Variants in SLC26A4 observed in about 807,000 individuals in gnomAD.
The protein encoded by SLC26A4 is pendrin.
A neutral mutation model predicts 90.4 loss-of-function variants in SLC26A4; 93 were observed. The observed-to-expected ratio is 1.03, with a 90% CI of 0.87 to 1.22. The LOEUF is 1.22. SLC26A4 is among the 50% of genes most tolerant of loss of function. SLC26A4 has a pLI of 0.00. For synonymous variants in SLC26A4, 393 were observed against 354.6 expected, an observed-to-expected ratio of 1.11 and a Z score of -1.22; for missense variants, 1,127 against 946.2, an observed-to-expected ratio of 1.19 and a Z score of -2.51.
chr7:107,712,618 A>C lies in SLC26A4; in HGVS notation c.2315A>C (p.Asp772Ala), dbSNP rs761442532. 8.0e-6 allele frequency: 12 copies of C among 1,501,280 alleles called. No individual in the cohort carries two copies. Among genetic ancestry groups the C allele is most frequent in the Non-Finnish European group, 1.0e-5 (11 of 1,077,380 alleles). The allele number at this position is 1,501,280 out of a possible 1,614,324, so 93.0% of individuals were successfully genotyped here. Residue 772 changes from aspartate to alanine, a missense_variant, in exon 20 of 21, where the codon GAT becomes GCT. Asp to Ala is a moderately radical substitution (Grantham distance 126, BLOSUM62 -2). Coordinates refer to ENST00000644269, the MANE Select transcript of SLC26A4 (RefSeq NM_000441.2). ...ELTEEELDVQ[D>A]EAMRTLAS Reference sequence around the variant, plus strand: ...ACGGAAGAAGAACTTGATGTCCAGGATGAGGTATGATCATTTTCTTCTGAA... The same window carrying C: ...ACGGAAGAAGAACTTGATGTCCAGGCTGAGGTATGATCATTTTCTTCTGAA...
chr7:107,684,697 C>T (rs1443251126), intron 8 of SLC26A4, among the ~76,000 whole-genome samples: 1 of 152,102 alleles, frequency 6.6e-6, no homozygotes, highest in African/African-American at 2.4e-5. Flanking sequence ...AGAGGTGGGG[C>T]TCAGGAATTA....
chr7:107,662,657 T>C (rs1481173375), intron 2 of SLC26A4, among the ~76,000 whole-genome samples: 1 of 152,174 alleles, frequency 6.6e-6, no homozygotes, highest in Non-Finnish European at 1.5e-5. Context: ...CACCTTAATA[T>C]CTAAAAATAA....
At position 107,683,505 on chromosome 7, in the gene SLC26A4, C is replaced by T. The variant is rs748164675; in HGVS notation, c.969C>T (p.Tyr323=). The T allele has an allele frequency of 1.2e-6, 2 of 1,613,864 alleles. No individual in the cohort carries two copies. Among genetic ancestry groups the T allele is most frequent in the South Asian group, 2.2e-5 (2 of 91,078 alleles). Residue 323 remains tyrosine, a synonymous_variant, in exon 8 of 21, where the codon TAC becomes TAT. Coordinates refer to ENST00000644269, the MANE Select transcript of SLC26A4 (RefSeq NM_000441.2). Reference sequence around the variant, plus strand: ...ATGGAGCCAACCTGGAAAAAAATTACAATGCTGGCATTGTTAAATCCATCC... The same window carrying T: ...ATGGAGCCAACCTGGAAAAAAATTATAATGCTGGCATTGTTAAATCCATCC... ...ISYGANLEKN[Y]NAGIVKSIPR...
In SLC26A4 at chr7:107,680,308, C is replaced by G. The variant is rs866426396; in HGVS notation, c.766-2894C>G. Among the ~76,000 whole-genome samples the G allele has an allele frequency of 1.1e-3, 102 of 92,848 alleles. 7 individuals carry two copies. Among genetic ancestry groups the G allele is most frequent in the African/African-American group, 6.0e-3 (78 of 12,908 alleles). The allele number at this position is 92,848 out of a possible 152,430, so 60.9% of individuals were successfully genotyped here. A position where few individuals can be genotyped will look rare whatever the true frequency, so the allele number is the denominator to read the frequency against. On this transcript the variant is annotated intron_variant, in intron 6 of 20. Transcript: ENST00000644269. ...ATCTTATCTTATTATATAATATAAT[C>G]TTATATTATTATATAATCTTATCTT...
At chr7:107,683,596 T>C (rs920301077) in intron 8 of SLC26A4, 59 bp downstream of exon 8, 24 of 1,358,292 alleles carry the variant, frequency 1.8e-5, no homozygotes, top group Non-Finnish European at 2.5e-5. Context: ...GTCTTTTTTA[T>C]TTAAATAAAA....
rs1305035552 is a variant in SLC26A4, at chr7:107,661,320, T to C, written c.-3-319T>C. 1.6e-5 allele frequency: 7 copies of C among 446,776 alleles called. No homozygotes were observed. The highest frequency in any genetic ancestry group is 2.4e-5 in the Non-Finnish European group (6 of 248,046). 27.7% of individuals were successfully genotyped at this position (446,776 alleles called of 1,614,324 possible). On this transcript the variant is annotated intron_variant, in intron 1 of 20. Transcript: ENST00000644269. This position sits in a 1 kb window ranked among gnomAD's most constrained non-coding sequence, Gnocchi z 5.1. ...TTCAGAACGCGGACAGCGCCCTGGC[T>C]GCGGGCCATAGGGGACTGGGTGGAA...
Position 107,661,555 on chromosome 7 carries a change from C to T in SLC26A4, c.-3-84C>T. On this transcript the variant is annotated intron_variant, in intron 1 of 20. Coordinates refer to ENST00000644269, the MANE Select transcript of SLC26A4 (RefSeq NM_000441.2). The surrounding 1 kb of genome is among the most constrained non-coding windows in gnomAD (Gnocchi z 5.1). ...GCCTGGCTGCAGCTAACAGGTGATC[C>T]CGTTCTTTCTGTTCCTCGCTCTTCC... The T allele has an allele frequency of 7.1e-7, 1 of 1,412,558 alleles. No homozygotes were observed. Among genetic ancestry groups the T allele is most frequent in the Non-Finnish European group, 9.7e-7 (1 of 1,035,442 alleles). 87.5% of individuals were successfully genotyped at this position (1,412,558 alleles called of 1,614,324 possible).
chr7:107,716,416 A>T lies in SLC26A4; in HGVS notation c.*970A>T. Reference sequence around the variant, plus strand: ...TGTAAAGTAAGTAATCTTTAACTGAACTCTGACCACTTAAAAAAAAATCTA... The same window carrying T: ...TGTAAAGTAAGTAATCTTTAACTGATCTCTGACCACTTAAAAAAAAATCTA... On this transcript the variant is annotated 3_prime_UTR_variant, in exon 21 of 21. Transcript: ENST00000644269. 1 of 152,050 alleles carries T rather than the reference A, an allele frequency of 6.6e-6. No homozygotes were observed. The highest frequency in any genetic ancestry group is 6.6e-5 in the Admixed American group (1 of 15,266). 9.4% of individuals were successfully genotyped at this position (152,050 alleles called of 1,614,324 possible).
chr7:107,688,081 C>T (rs1211880277), intron 8 of SLC26A4, among the ~76,000 whole-genome samples: 2 of 152,116 alleles, frequency 1.3e-5, no homozygotes, highest in African/African-American at 2.4e-5. Context: ...GACCTGGACC[C>T]ACTAACTGAC....
chr7:107,695,939 TG>T lies in SLC26A4; in HGVS notation c.1447del (p.Val483CysfsTer5). The stretch of plus-strand genomic sequence containing the variant: ...TTTCTATTTTTTTCCCTAGGTTATC[TG>T]GGTGTTTACGTGTATAGTGTCCATC... ...WRQNKIDAVI[W>X]VFTCIVSIIL... On this transcript the variant is annotated frameshift_variant, in exon 13 of 21. Coordinates refer to ENST00000644269, the MANE Select transcript of SLC26A4 (RefSeq NM_000441.2). LOFTEE classifies it high-confidence loss of function. The T allele has an allele frequency of 6.3e-7, 1 of 1,577,912 alleles. No individual in the cohort carries two copies. Among genetic ancestry groups the T allele is most frequent in the Non-Finnish European group, 8.7e-7 (1 of 1,147,220 alleles).
intron 16 of SLC26A4, 84 bp downstream of exon 16, chr7:107,701,280 C>A: frequency 1.2e-6 from 1 of 834,232 alleles, no homozygotes; most frequent in Non-Finnish European, 2.1e-6. Context: ...TAAATCTATC[C>A]TCTTTAGTAT....
At chr7:107,702,720 A>G (rs1186478847) in intron 17 of SLC26A4, among the ~76,000 whole-genome samples, 1 of 151,678 alleles carries the variant, frequency 6.6e-6, no homozygotes, top group Admixed American at 6.6e-5. Flanking sequence ...TGGTTCAAAG[A>G]TACTCCCCAG....
At position 107,681,570 on chromosome 7, in the gene SLC26A4, A is replaced by G. The variant is rs367973735; in HGVS notation, c.766-1632A>G. On this transcript the variant is annotated intron_variant, in intron 6 of 20. Transcript: ENST00000644269. ...TATGTCTATAAAAAAGCTCATTTAA[A>G]GAAAAGTTACCTTCACTGTGAGATT... 2.8e-3 allele frequency among the ~76,000 whole-genome samples: 294 copies of G among 104,440 alleles called. 3 individuals are homozygous for G. The highest frequency in any genetic ancestry group is 8.8e-3 in the African/African-American group (275 of 31,170). 68.5% of individuals were successfully genotyped at this position (104,440 alleles called of 152,430 possible). A position where few individuals can be genotyped will look rare whatever the true frequency, so the allele number is the denominator to read the frequency against.
intron 8 of SLC26A4, among the ~76,000 whole-genome samples, chr7:107,686,795 T>G (rs1227732932): frequency 6.6e-6 from 1 of 152,092 alleles, no homozygotes; most frequent in African/African-American, 2.4e-5. Context: ...TTTCCTAGGA[T>G]GTATCAAGTT....
chr7:107,680,421 A>C (rs1405434292), intron 6 of SLC26A4, among the ~76,000 whole-genome samples: 1 of 144,434 alleles, frequency 6.9e-6, no homozygotes, highest in African/African-American at 2.5e-5. Flanking sequence ...ATAATCTTAT[A>C]TTATTATATA....
chr7:107,687,378 G>A (rs1029733651), intron 8 of SLC26A4, among the ~76,000 whole-genome samples: 4 of 152,314 alleles, frequency 2.6e-5, no homozygotes, highest in African/African-American at 7.2e-5. Context: ...GGCACACTTA[G>A]GGTTCAGCAA....
intron 17 of SLC26A4, among the ~76,000 whole-genome samples, chr7:107,703,287 A>T (rs1791949294): frequency 1.3e-5 from 2 of 152,252 alleles, no homozygotes; most frequent in South Asian, 4.1e-4. Flanking sequence ...GCAGGTCAAG[A>T]CACCAACAAT....
intron 6 of SLC26A4, among the ~76,000 whole-genome samples, chr7:107,680,961 T>G (rs1051181697): frequency 1.3e-5 from 2 of 152,166 alleles, no homozygotes; most frequent in African/African-American, 4.8e-5. Flanking sequence ...AAACTGATTA[T>G]GTAAAGGACC....
chr7:107,694,796 C>T, intron 12 of SLC26A4, 80 bp downstream of exon 12: 3 of 954,106 alleles, frequency 3.1e-6, no homozygotes, highest in Non-Finnish European at 5.1e-6. Flanking sequence ...ATATTCCCCC[C>T]ATCCCCTAAG....
Sources: gnomAD v4.1 joint callset for allele counts (sites outside exome capture counted in the v4.1 genomes callset) on GRCh38, gnomAD v4.1.1 for gene constraint, Gnocchi (gnomAD v3.1) non-coding constraint, MANE v1.5 for transcripts, NCBI Gene and HGNC (gene_info 2026-07-23, HGNC 2026-07-21) for gene names.